Variants in ZMYM2 observed in about 807,000 individuals in gnomAD.
ZMYM2 encodes the protein zinc finger MYM-type containing 2.
A neutral mutation model predicts 162.8 loss-of-function variants in ZMYM2; 56 were observed. The observed-to-expected ratio is 0.34, with a 90% CI of 0.28 to 0.43. ZMYM2 has a LOEUF of 0.43. Among genes scored for constraint, ZMYM2 ranks in the 20% least tolerant of loss-of-function variants. The probability of loss-of-function intolerance (pLI) is 1.00; values close to 1 mark genes in which losing one functional copy is unlikely to be tolerated. For missense variants in ZMYM2, 1,275 were observed against 1,621.8 expected (o/e 0.79, Z 3.67); for synonymous variants, 510 against 541.6 (o/e 0.94, Z 0.81).
chr13:20,030,886 C>T (rs2140304233), intron 9 of ZMYM2, among the ~76,000 whole-genome samples: 1 of 152,260 alleles, frequency 6.6e-6, no homozygotes, highest in Middle Eastern at 3.4e-3. Context: ...AGTAGGGATG[C>T]AGTGGCACAA....
the ZMYM2 span, among the ~76,000 whole-genome samples, chr13:19,880,439 C>T: frequency 0.11 from 16,676 of 150,534 alleles, 1,198 homozygotes; most frequent in African/African-American, 0.21. Context: ...AATTTTTTTT[C>T]TTTTTTTGAG....
intron 21 of ZMYM2, among the ~76,000 whole-genome samples, chr13:20,074,402 A>C (rs563387623): frequency 6.6e-6 from 1 of 151,732 alleles, no homozygotes; most frequent in Non-Finnish European, 1.5e-5. Flanking sequence ...TGGCTAACTA[A>C]CTTCTCTATT....
chr13:19,910,199 C>T, the ZMYM2 span, among the ~76,000 whole-genome samples: 60 of 152,048 alleles, frequency 3.9e-4, 1 homozygote, highest in South Asian at 1.9e-3. Flanking sequence ...TGCACTCCAG[C>T]CTGGGCAATG....
the ZMYM2 span, among the ~76,000 whole-genome samples, chr13:19,923,022 C>CAA: frequency 7.2e-4 from 68 of 94,536 alleles, no homozygotes; most frequent in Non-Finnish European, 1.2e-3. Context: ...GACTCCATCT[C>CAA]AAAAAAAAAA....
chr13:19,933,334 T>C, the ZMYM2 span, among the ~76,000 whole-genome samples: 1 of 152,214 alleles, frequency 6.6e-6, no homozygotes, highest in Non-Finnish European at 1.5e-5. Flanking sequence ...CTTATAGTAC[T>C]ATCAGTGTTG....
At chr13:19,962,396 C>T (rs941883553) in intron 2 of ZMYM2, among the ~76,000 whole-genome samples, 4 of 149,536 alleles carry the variant, frequency 2.7e-5, no homozygotes, top group African/African-American at 7.4e-5. Context: ...TCCTGTCTCT[C>T]TAGCATTAAT....
intron 7 of ZMYM2, 180 bp from the exon 8 acceptor site, chr13:20,026,432 G>T: frequency 4.0e-6 from 2 of 500,786 alleles, no homozygotes. Context: ...TGCTTTGTTT[G>T]GACCTTAGCA....
the ZMYM2 span, chr13:19,864,780 CAG>C: frequency 6.6e-6 from 1 of 152,302 alleles, no homozygotes; most frequent in Admixed American, 6.5e-5. Flanking sequence ...GGAGCAGAAT[CAG>C]GGACAGATGG....
At chr13:19,868,776 A>T in the ZMYM2 span, among the ~76,000 whole-genome samples, 509 of 152,190 alleles carry the variant, frequency 3.3e-3, 1 homozygote, top group South Asian at 0.026. Context: ...TTTGAGACAG[A>T]ATCTTATTCT....
At chr13:19,961,119 T>G (rs534104216) in intron 2 of ZMYM2, among the ~76,000 whole-genome samples, 1 of 152,182 alleles carries the variant, frequency 6.6e-6, no homozygotes, top group South Asian at 2.1e-4. Flanking sequence ...TCTAAGGTTT[T>G]TTTTTTTTTT....
Position 20,051,418 on chromosome 13 carries a change from C to T in ZMYM2, c.2293-15C>T, listed in dbSNP as rs1363533580. On this transcript the variant is annotated splice_polypyrimidine_tract_variant and intron_variant, in intron 12 of 24. Coordinates refer to ENST00000610343, the MANE Select transcript of ZMYM2 (RefSeq NM_197968.4). Reference sequence around the variant, plus strand: ...AATAATTTGCAATATCTGAAACCTTCCTTTTTAAATTAAGGCTGCAAGGTG... The same window carrying T: ...AATAATTTGCAATATCTGAAACCTTTCTTTTTAAATTAAGGCTGCAAGGTG... 2 of 1,605,402 alleles carry T rather than the reference C, an allele frequency of 1.2e-6. No individual in the cohort carries two copies. The highest frequency in any genetic ancestry group is 2.2e-5 in the South Asian group (2 of 89,114).
At chr13:20,076,836 A>C (rs1957539344) in intron 21 of ZMYM2, among the ~76,000 whole-genome samples, 1 of 150,012 alleles carries the variant, frequency 6.7e-6, no homozygotes, top group East Asian at 1.9e-4. Flanking sequence ...TTTATTTTTT[A>C]TTTTATTTTA....
chr13:19,923,110 C>CG, the ZMYM2 span, among the ~76,000 whole-genome samples: 6 of 146,546 alleles, frequency 4.1e-5, no homozygotes, highest in East Asian at 1.2e-3. Flanking sequence ...GAGGCCGAGG[C>CG]GGGGGGATCG....
chr13:19,994,696 C>G (rs1204848272), intron 3 of ZMYM2, among the ~76,000 whole-genome samples: 1 of 152,064 alleles, frequency 6.6e-6, no homozygotes, highest in African/African-American at 2.4e-5. Context: ...GTTGGCCAGG[C>G]CAGGCTGGTC....
chr13:19,869,778 A>T, the ZMYM2 span, among the ~76,000 whole-genome samples: 1 of 152,154 alleles, frequency 6.6e-6, no homozygotes, highest in Non-Finnish European at 1.5e-5. Context: ...ACAAAGGGAG[A>T]TGCTGTCTCA....
intron 21 of ZMYM2, among the ~76,000 whole-genome samples, chr13:20,079,965 T>A (rs1303819445): frequency 6.6e-6 from 1 of 152,340 alleles, no homozygotes; most frequent in Non-Finnish European, 1.5e-5. Context: ...GATTTTACTT[T>A]AGTGATTGTT....
upstream of ZMYM2, among the ~76,000 whole-genome samples, chr13:19,957,041 A>G (rs1954563200): frequency 6.6e-6 from 1 of 152,210 alleles, no homozygotes; most frequent in South Asian, 2.1e-4. Context: ...AAAATTAGTG[A>G]TACTTTTTGA....
intron 2 of ZMYM2, among the ~76,000 whole-genome samples, chr13:19,963,613 CAT>C (rs562882836): frequency 3.1e-4 from 47 of 152,046 alleles, no homozygotes; most frequent in African/African-American, 1.1e-3. Flanking sequence ...CTAAAATAGA[CAT>C]ATGAAAAGGG....
Position 20,088,780 on chromosome 13 carries a change from C to T in ZMYM2, c.*2766C>T, listed in dbSNP as rs1233286413. On this transcript the variant is annotated 3_prime_UTR_variant, in exon 25 of 25. Transcript: ENST00000610343. ...ATCACTGTTTTTTCTGACAGACTTTCCCTTTGTCCTTTCTAGTTATGACTT... is the reference window on the plus strand; with the variant it reads ...ATCACTGTTTTTTCTGACAGACTTTTCCTTTGTCCTTTCTAGTTATGACTT... 1 of 195,316 alleles carries T rather than the reference C, an allele frequency of 5.1e-6. No individual in the cohort carries two copies. Among genetic ancestry groups the T allele is most frequent in the African/African-American group, 2.3e-5 (1 of 43,294 alleles). 12.1% of individuals were successfully genotyped at this position (195,316 alleles called of 1,614,324 possible). A position where few individuals can be genotyped will look rare whatever the true frequency, so the allele number is the denominator to read the frequency against.
Sources: allele counts gnomAD v4.1 joint callset (sites outside exome capture counted in the v4.1 genomes callset), GRCh38; gene constraint gnomAD v4.1.1; transcripts MANE v1.5; gene names NCBI Gene and HGNC (gene_info 2026-07-23, HGNC 2026-07-21).